Variants in C7orf78 observed in about 807,000 individuals in gnomAD.
The protein encoded by C7orf78 is putative uncharacterized protein C7orf78.
chr7:12,526,751 T>C, the C7orf78 span, among the ~76,000 whole-genome samples: 4 of 151,624 alleles, frequency 2.6e-5, no homozygotes, highest in Middle Eastern at 3.5e-3. Flanking sequence ...GAAAATGCCA[T>C]CTAGCTGTGT....
the C7orf78 span, among the ~76,000 whole-genome samples, chr7:12,489,518 C>G: frequency 6.6e-6 from 1 of 152,024 alleles, no homozygotes; most frequent in Non-Finnish European, 1.5e-5. Flanking sequence ...AGAGAGGTAA[C>G]TTAGGACATT....
At chr7:12,522,798 T>G in the C7orf78 span, among the ~76,000 whole-genome samples, 4 of 152,214 alleles carry the variant, frequency 2.6e-5, no homozygotes, top group Non-Finnish European at 1.5e-5. Context: ...AGGTGCTGAA[T>G]AAATATTTGC....
chr7:12,491,654 T>C, the C7orf78 span: 1 of 152,194 alleles, frequency 6.6e-6, no homozygotes, highest in Non-Finnish European at 1.5e-5. Context: ...CAACTTGGCA[T>C]TAATATTTCC....
the C7orf78 span, among the ~76,000 whole-genome samples, chr7:12,499,967 C>T: frequency 1.6e-5 from 2 of 122,934 alleles, no homozygotes; most frequent in Admixed American, 8.8e-5. Flanking sequence ...GAACAACCTG[C>T]TCCTGAATGA....
chr7:12,530,216 C>T, the C7orf78 span, among the ~76,000 whole-genome samples: 18 of 152,096 alleles, frequency 1.2e-4, no homozygotes, highest in African/African-American at 4.1e-4. Flanking sequence ...AGGTTCTTGT[C>T]ATGTAGTCGA....
the C7orf78 span, among the ~76,000 whole-genome samples, chr7:12,495,702 T>A: frequency 2.6e-5 from 4 of 152,198 alleles, no homozygotes; most frequent in Non-Finnish European, 4.4e-5. Flanking sequence ...TACTTCTTTT[T>A]TAACTTATAG....
At chr7:12,520,071 C>G in the C7orf78 span, among the ~76,000 whole-genome samples, 183 of 152,344 alleles carry the variant, frequency 1.2e-3, no homozygotes, top group Non-Finnish European at 2.1e-3. Flanking sequence ...CAGCAGTCCA[C>G]AGTGAGGATG....
chr7:12,493,717 C>T, the C7orf78 span, among the ~76,000 whole-genome samples: 2 of 152,198 alleles, frequency 1.3e-5, no homozygotes, highest in African/African-American at 4.8e-5. Flanking sequence ...TATCTTTCTA[C>T]ATTTCTTCAT....
the C7orf78 span, among the ~76,000 whole-genome samples, chr7:12,527,458 G>T: frequency 1.2e-5 from 1 of 85,556 alleles, no homozygotes; most frequent in Admixed American, 1.2e-4. Context: ...GATAGAAAAT[G>T]CCATCTAGCT....
the C7orf78 span, among the ~76,000 whole-genome samples, chr7:12,533,623 T>C: frequency 1.3e-5 from 2 of 151,174 alleles, no homozygotes; most frequent in Non-Finnish European, 1.5e-5. Flanking sequence ...TTCACACCAT[T>C]CTCCTGCCTC....
At chr7:12,539,518 T>C in the C7orf78 span, among the ~76,000 whole-genome samples, 1 of 152,110 alleles carries the variant, frequency 6.6e-6, no homozygotes, top group African/African-American at 2.4e-5. Context: ...AATTCCTTAA[T>C]TTGGACAGAA....
chr7:12,497,640 G>A, the C7orf78 span, among the ~76,000 whole-genome samples: 1 of 152,122 alleles, frequency 6.6e-6, no homozygotes, highest in South Asian at 2.1e-4. Flanking sequence ...ACTGCAAGGC[G>A]GCAGCGAGGC....
At chr7:12,511,285 A>C in the C7orf78 span, among the ~76,000 whole-genome samples, 5,576 of 152,254 alleles carry the variant, frequency 0.037, 348 homozygotes, top group African/African-American at 0.13. Flanking sequence ...TGATTACTCT[A>C]GATTTGTAAT....
chr7:12,496,661 T>G, the C7orf78 span: 1 of 152,216 alleles, frequency 6.6e-6, no homozygotes, highest in Non-Finnish European at 1.5e-5. Flanking sequence ...TTCTAGCCAA[T>G]TACTTATAAT....
At chr7:12,524,313 G>A in the C7orf78 span, among the ~76,000 whole-genome samples, 1 of 152,258 alleles carries the variant, frequency 6.6e-6, no homozygotes, top group African/African-American at 2.4e-5. Context: ...TGAGGTATTC[G>A]ATGAATGTTA....
the C7orf78 span, among the ~76,000 whole-genome samples, chr7:12,495,669 G>T: frequency 1.3e-5 from 2 of 151,802 alleles, no homozygotes; most frequent in South Asian, 4.2e-4. Context: ...TTTCTTTTTC[G>T]GAACACTATT....
chr7:12,538,660 C>G, the C7orf78 span, among the ~76,000 whole-genome samples: 1 of 152,142 alleles, frequency 6.6e-6, no homozygotes, highest in East Asian at 1.9e-4. Context: ...TGATAAGAGG[C>G]ATCTTATCAT....
At chr7:12,520,644 C>T in the C7orf78 span, among the ~76,000 whole-genome samples, 11 of 152,280 alleles carry the variant, frequency 7.2e-5, no homozygotes, top group African/African-American at 2.6e-4. Context: ...TGTGGCCTAA[C>T]TTATGATCTA....
chr7:12,534,860 G>A, the C7orf78 span, among the ~76,000 whole-genome samples: 82 of 152,034 alleles, frequency 5.4e-4, no homozygotes, highest in African/African-American at 1.9e-3. Context: ...AGGCTGAGGC[G>A]GGAGATTTAC....
Sources: gnomAD v4.1 joint callset for allele counts (sites outside exome capture counted in the v4.1 genomes callset) on GRCh38, gnomAD v4.1.1 for gene constraint, MANE v1.5 for transcripts, NCBI Gene and HGNC (gene_info 2026-07-23, HGNC 2026-07-21) for gene names.